C16orf74: variants seen among roughly 807,000 people sequenced by gnomAD.
The protein encoded by C16orf74 is calcimembrin.
In C16orf74, 10 loss-of-function variants were observed where a neutral mutation model predicts 6.5. The ratio of observed to expected loss-of-function variants is 1.54; its 90% CI spans 0.95 to 2.61. C16orf74 has a LOEUF of 2.61. C16orf74 is among the 30% of genes most tolerant of loss of function. C16orf74 has a pLI of 0.00. For synonymous variants in C16orf74, 60 were observed against 42.5 expected (o/e 1.41, Z -1.60); for missense variants, 141 against 105.9 (o/e 1.33, Z -1.45).
At chr16:85,744,324 T>G (rs1388766634) in intron 1 of C16orf74, 2 of 151,958 alleles carry the variant, frequency 1.3e-5, no homozygotes, top group East Asian at 3.9e-4. Context: ...ACCCTTAGCT[T>G]GGCATGATGG....
intron 2 of C16orf74, among the ~76,000 whole-genome samples, chr16:85,728,643 C>T (rs924616298): frequency 3.9e-5 from 6 of 152,332 alleles, no homozygotes; most frequent in Non-Finnish European, 7.4e-5. Flanking sequence ...CAGAGGCCCC[C>T]GCACACCTGC....
chr16:85,719,915 A>T (rs2152059921), intron 2 of C16orf74, among the ~76,000 whole-genome samples: 1 of 152,078 alleles, frequency 6.6e-6, no homozygotes, highest in African/African-American at 2.4e-5. Flanking sequence ...AAAGGCCCTG[A>T]GGCAGGAACA....
At chr16:85,724,549 G>A (rs570240797) in intron 2 of C16orf74, among the ~76,000 whole-genome samples, 6 of 152,286 alleles carry the variant, frequency 3.9e-5, no homozygotes, top group Middle Eastern at 3.4e-3. Context: ...CTTGCTGTGC[G>A]GATGAAAGGA....
intron 1 of C16orf74, 75 bp from the exon 2 acceptor site, chr16:85,735,310 A>T: frequency 8.8e-7 from 1 of 1,142,130 alleles, no homozygotes; most frequent in South Asian, 1.7e-5. Context: ...CCGGGCCCCC[A>T]CCCTTGGCCC....
chr16:85,738,166 G>T (rs998225941), intron 1 of C16orf74, among the ~76,000 whole-genome samples: 1 of 151,676 alleles, frequency 6.6e-6, no homozygotes, highest in Non-Finnish European at 1.5e-5. Context: ...GATCACTTGA[G>T]CCCAGGAGGT....
rs200329146 is a variant in C16orf74, at chr16:85,708,063, C to G, written c.176G>C (p.Trp59Ser). 1.0e-5 allele frequency: 16 copies of G among 1,553,280 alleles called. No homozygotes were observed. In the African/African-American group the frequency reaches 2.2e-4, roughly 21 times the overall value. ...TGGGCACGACCCTGTCTCATCCAGC[C>G]AGACTAGGAGAAAGAGGGGATGGAC... Reference protein sequence around the residue: ...MLPRDLGSTVWLDETGSCPDD... With the variant: ...MLPRDLGSTVSLDETGSCPDD... The change falls in exon 4 of 4, where the codon TGG becomes TCG. Residue 59 changes from tryptophan to serine, a missense_variant. Transcript: ENST00000284245.
chr16:85,708,031 C>T lies in C16orf74; in HGVS notation c.208G>A (p.Gly70Arg), dbSNP rs2053930524. 6.4e-7 allele frequency: 1 copy of T among 1,553,544 alleles called. No individual in the cohort carries two copies. Among genetic ancestry groups the T allele is most frequent in the Non-Finnish European group, 8.7e-7 (1 of 1,147,954 alleles). ...CCTCAGGCTTCTGGGTCGATTTCTCCATCATCTGGGCACGACCCTGTCTCA... is the reference window on the plus strand; with the variant it reads ...CCTCAGGCTTCTGGGTCGATTTCTCTATCATCTGGGCACGACCCTGTCTCA... The part of the protein sequence containing the change: ...LDETGSCPDD[G>R]EIDPEA The change falls in exon 4 of 4, where the codon GGA becomes AGA. Residue 70 changes from glycine (G) to arginine (R), a missense_variant. By Grantham distance (125) the Gly-to-Arg change is moderately radical. Transcript: ENST00000284245.
chr16:85,712,531 A>C (rs2053980660), intron 2 of C16orf74, among the ~76,000 whole-genome samples: 1 of 152,178 alleles, frequency 6.6e-6, no homozygotes, highest in African/African-American at 2.4e-5. Flanking sequence ...GGCAGGTTAC[A>C]CCTGGGCTGT....
chr16:85,721,218 C>CA (rs200145196), intron 2 of C16orf74, among the ~76,000 whole-genome samples: 2,328 of 147,154 alleles, frequency 0.016, 44 homozygotes, highest in East Asian at 0.049. Flanking sequence ...ACCATGAGAA[C>CA]AAAAAAAAAA....
chr16:85,720,771 CAAA>C (rs57419341), intron 2 of C16orf74, among the ~76,000 whole-genome samples: 8 of 81,456 alleles, frequency 9.8e-5, no homozygotes, highest in Admixed American at 1.4e-4. Flanking sequence ...GATCCTGCCT[CAAA>C]AAAAAAAAAA....
intron 2 of C16orf74, among the ~76,000 whole-genome samples, chr16:85,716,505 G>C (rs1237283028): frequency 6.9e-6 from 1 of 144,216 alleles, no homozygotes; most frequent in Non-Finnish European, 1.5e-5. Flanking sequence ...AGAGGAGGAA[G>C]GGAGGGAGGA....
At chr16:85,750,386 A>C (rs2054423778) in intron 1 of C16orf74, among the ~76,000 whole-genome samples, 1 of 142,926 alleles carries the variant, frequency 7.0e-6, no homozygotes, top group African/African-American at 3.1e-5. Context: ...GCAGCCAGCC[A>C]GGAGAAGGAG....
intron 1 of C16orf74, among the ~76,000 whole-genome samples, chr16:85,738,481 C>T (rs1489576511): frequency 7.1e-6 from 1 of 141,760 alleles, no homozygotes; most frequent in Non-Finnish European, 1.5e-5. Context: ...TGCACCATGA[C>T]ACCCAGCTAA....
intron 1 of C16orf74, among the ~76,000 whole-genome samples, chr16:85,741,228 G>A (rs1241779772): frequency 1.3e-5 from 2 of 152,150 alleles, no homozygotes; most frequent in African/African-American, 4.8e-5. Context: ...CAGCTTGGTG[G>A]AGATGCGTTC....
intron 1 of C16orf74, among the ~76,000 whole-genome samples, chr16:85,741,076 G>A (rs2054301587): frequency 6.6e-6 from 1 of 152,174 alleles, no homozygotes; most frequent in Non-Finnish European, 1.5e-5. Flanking sequence ...GGCTTAAAAA[G>A]GAAAGAAAGG....
At position 85,746,699 on chromosome 16, in the gene C16orf74, T is replaced by TG. The variant is rs775070435; in HGVS notation, c.-19+4226dup. ...CCAGGTGAGTGGGCTCCAATCCCAG[T>TG]GGGGCAGGGTGGTCTCTGAGGCTTG... On this transcript the variant is annotated intron_variant, in intron 1 of 3. Coordinates refer to ENST00000284245, the MANE Select transcript of C16orf74 (RefSeq NM_206967.3). Among the ~76,000 whole-genome samples, 27 of 152,186 alleles carry TG rather than the reference T, an allele frequency of 1.8e-4. No homozygotes were observed. In the East Asian group the frequency reaches 4.8e-3, roughly 27 times the overall value.
At chr16:85,735,399 G>A (rs1404588737) in intron 1 of C16orf74, among the ~76,000 whole-genome samples, 164 bp from the exon 2 acceptor site, 4 of 152,214 alleles carry the variant, frequency 2.6e-5, no homozygotes, top group South Asian at 2.1e-4. Context: ...CTACATCTGG[G>A]CTGGATTTGC....
chr16:85,739,664 G>A (rs1024882679), intron 1 of C16orf74, among the ~76,000 whole-genome samples: 2 of 151,932 alleles, frequency 1.3e-5, no homozygotes, highest in African/African-American at 2.4e-5. Flanking sequence ...ACCAGTCATG[G>A]TGGTGCATGC....
intron 2 of C16orf74, among the ~76,000 whole-genome samples, chr16:85,720,233 G>T (rs2054069010): frequency 6.6e-6 from 1 of 152,260 alleles, no homozygotes; most frequent in East Asian, 1.9e-4. Context: ...ATGAGCTGCT[G>T]GAGAGAGACA....
Sources: gnomAD v4.1 joint callset for allele counts (sites outside exome capture counted in the v4.1 genomes callset) on GRCh38, gnomAD v4.1.1 for gene constraint, MANE v1.5 for transcripts, NCBI Gene and HGNC (gene_info 2026-07-23, HGNC 2026-07-21) for gene names.